CADM1: variants seen among roughly 807,000 people sequenced by gnomAD.
The protein encoded by CADM1 is TSLC-1.
In CADM1, 15 loss-of-function variants were observed where a neutral mutation model predicts 53.1. The ratio of observed to expected loss-of-function variants is 0.28; its 90% CI spans 0.19 to 0.44. The LOEUF is 0.44. Ranked by LOEUF, CADM1 falls within the 20% of genes least tolerant of loss-of-function variation. The probability of loss-of-function intolerance (pLI) is 1.00; values close to 1 mark genes in which losing one functional copy is unlikely to be tolerated. For missense variants in CADM1, 434 were observed against 611.3 expected (o/e 0.71, Z 3.06); for synonymous variants, 281 against 243.0 (o/e 1.16, Z -1.45).
At chr11:115,189,930 T>C (rs547375046) in intron 10 of CADM1, among the ~76,000 whole-genome samples, 1 of 152,318 alleles carries the variant, frequency 6.6e-6, no homozygotes, top group East Asian at 1.9e-4. Flanking sequence ...AATTGCACTT[T>C]GAAAAATCGA....
intron 1 of CADM1, among the ~76,000 whole-genome samples, chr11:115,396,535 A>G (rs778221357): frequency 3.9e-5 from 6 of 152,222 alleles, no homozygotes; most frequent in Non-Finnish European, 8.8e-5. Flanking sequence ...ATTTATTTTT[A>G]GGAGCACATA....
intron 1 of CADM1, among the ~76,000 whole-genome samples, chr11:115,265,076 T>G (rs985260332): frequency 2.6e-5 from 4 of 152,158 alleles, no homozygotes; most frequent in Admixed American, 2.6e-4. Flanking sequence ...TAGGCTATGT[T>G]TGCTCTCGAA....
At chr11:115,500,272 A>G (rs1224231173) in intron 1 of CADM1, among the ~76,000 whole-genome samples, 1 of 152,166 alleles carries the variant, frequency 6.6e-6, no homozygotes, top group African/African-American at 2.4e-5. Flanking sequence ...GAGAATCCCC[A>G]CATTAAAATG....
intron 5 of CADM1, among the ~76,000 whole-genome samples, chr11:115,222,796 C>T (rs1941454907): frequency 6.6e-6 from 1 of 152,088 alleles, no homozygotes; most frequent in Non-Finnish European, 1.5e-5. Flanking sequence ...GGTGTGGTGG[C>T]AGAAAGCTTT....
chr11:115,435,913 A>C (rs1466850103), intron 1 of CADM1, among the ~76,000 whole-genome samples: 1 of 152,180 alleles, frequency 6.6e-6, no homozygotes, highest in Non-Finnish European at 1.5e-5. Flanking sequence ...TATCTGGCCT[A>C]GATCAATGTT....
chr11:115,294,863 C>T lies in CADM1; in HGVS notation c.125-54443G>A, dbSNP rs549526608. ...CAGCCTGGCCAACATGGTGAAACTCCGTCTCTACTAAAAAAAATACAAAAA... is the reference window on the plus strand; with the variant it reads ...CAGCCTGGCCAACATGGTGAAACTCTGTCTCTACTAAAAAAAATACAAAAA... On this transcript the variant is annotated intron_variant, in intron 1 of 11. Coordinates refer to ENST00000331581, the MANE Select transcript of CADM1 (RefSeq NM_001301043.2). Among the ~76,000 whole-genome samples the T allele has an allele frequency of 1.8e-4, 28 of 152,062 alleles. No homozygotes were observed. The East Asian group carries it at 5.2e-3, about 28-fold the overall frequency.
intron 1 of CADM1, among the ~76,000 whole-genome samples, chr11:115,281,721 A>G (rs1045957561): frequency 2.0e-5 from 3 of 152,236 alleles, no homozygotes; most frequent in Admixed American, 6.5e-5. Context: ...CTTAAGTGGA[A>G]ATACATGAGC....
At chr11:115,201,988 G>A (rs1940453254) in intron 8 of CADM1, among the ~76,000 whole-genome samples, 1 of 152,092 alleles carries the variant, frequency 6.6e-6, no homozygotes, top group Admixed American at 6.5e-5. Context: ...ATCCAAAGAA[G>A]GGCCCAGCAA....
chr11:115,241,292 A>G (rs1942220572), intron 1 of CADM1, among the ~76,000 whole-genome samples: 1 of 152,252 alleles, frequency 6.6e-6, no homozygotes, highest in Non-Finnish European at 1.5e-5. Flanking sequence ...ACTCAGAACC[A>G]AAGGATGAAG....
intron 1 of CADM1, among the ~76,000 whole-genome samples, chr11:115,356,793 C>T (rs549828120): frequency 2.0e-4 from 30 of 152,180 alleles, no homozygotes; most frequent in African/African-American, 6.5e-4. Flanking sequence ...AATATACACA[C>T]GAGACAAACT....
intron 1 of CADM1, among the ~76,000 whole-genome samples, chr11:115,333,794 T>A (rs1398965729): frequency 6.6e-6 from 1 of 152,126 alleles, no homozygotes; most frequent in Non-Finnish European, 1.5e-5. Context: ...GGCAGAAAAT[T>A]AGTACAGTAG....
intron 1 of CADM1, among the ~76,000 whole-genome samples, chr11:115,356,814 T>C (rs1945884836): frequency 6.6e-6 from 1 of 152,176 alleles, no homozygotes; most frequent in African/African-American, 2.4e-5. Context: ...GATGCTGTAA[T>C]GGCTTTTTTA....
chr11:115,408,389 G>A (rs1367396901), intron 1 of CADM1, among the ~76,000 whole-genome samples: 4 of 152,136 alleles, frequency 2.6e-5, no homozygotes, highest in African/African-American at 9.7e-5. Context: ...TTAAATCCCT[G>A]CACAGTTCAA....
chr11:115,488,192 G>A (rs1949418592), intron 1 of CADM1, among the ~76,000 whole-genome samples: 1 of 152,128 alleles, frequency 6.6e-6, no homozygotes, highest in African/African-American at 2.4e-5. Flanking sequence ...GAGCTATGTA[G>A]CTACAAGGCA....
chr11:115,419,776 C>T (rs1318987058), intron 1 of CADM1, among the ~76,000 whole-genome samples: 2 of 152,120 alleles, frequency 1.3e-5, no homozygotes, highest in African/African-American at 4.8e-5. Flanking sequence ...GAGTTGGGAA[C>T]AGATGCTAAA....
At chr11:115,495,764 C>T (rs1420599157) in intron 1 of CADM1, among the ~76,000 whole-genome samples, 1 of 152,178 alleles carries the variant, frequency 6.6e-6, no homozygotes, top group Non-Finnish European at 1.5e-5. Context: ...CACTTCCCTT[C>T]CATCTCTCTG....
intron 1 of CADM1, among the ~76,000 whole-genome samples, chr11:115,265,247 C>T (rs1943102141): frequency 6.6e-6 from 1 of 152,006 alleles, no homozygotes; most frequent in Admixed American, 6.6e-5. Flanking sequence ...CTGAAATTTC[C>T]CCTTTTCTCA....
At chr11:115,197,682 T>C (rs1052700888) in intron 9 of CADM1, among the ~76,000 whole-genome samples, 1 of 152,178 alleles carries the variant, frequency 6.6e-6, no homozygotes, top group Non-Finnish European at 1.5e-5. Flanking sequence ...AACGTATTAC[T>C]ATTTTACCTG....
intron 1 of CADM1, among the ~76,000 whole-genome samples, chr11:115,311,333 A>G (rs72996031): frequency 0.14 from 20,888 of 152,056 alleles, 1,625 homozygotes; most frequent in African/African-American, 0.19. Flanking sequence ...GGAGCTTACT[A>G]TGGTGTGAGG....
Sources: allele counts gnomAD v4.1 joint callset (sites outside exome capture counted in the v4.1 genomes callset), GRCh38; gene constraint gnomAD v4.1.1; transcripts MANE v1.5; gene names NCBI Gene and HGNC (gene_info 2026-07-23, HGNC 2026-07-21).